Variants in NFIB observed in about 807,000 individuals in gnomAD.
The protein encoded by NFIB is nuclear factor 1 B-type.
A neutral mutation model predicts 61.5 loss-of-function variants in NFIB; 11 were observed. The observed-to-expected ratio is 0.18, with a 90% confidence interval of 0.11 to 0.30. The LOEUF is 0.30. Ranked by LOEUF, NFIB falls within the 10% of genes least tolerant of loss-of-function variation. The pLI, the probability that NFIB is intolerant of heterozygous loss-of-function variation, is 1.00. For missense variants in NFIB, 471 were observed against 608.9 expected (o/e 0.77, Z 2.38); for synonymous variants, 260 against 216.5 (o/e 1.20, Z -1.76).
In NFIB at chr9:14,120,236, T is replaced by G. The variant is rs1457917645; in HGVS notation, c.1245+204A>C. Among the ~76,000 whole-genome samples, 1 of 152,206 alleles carries G rather than the reference T, an allele frequency of 6.6e-6. No individual in the cohort carries two copies. Among genetic ancestry groups the G allele is most frequent in the Non-Finnish European group, 1.5e-5 (1 of 68,042 alleles). On this transcript the variant is annotated intron_variant, in intron 8 of 10. Coordinates refer to ENST00000380953, the MANE Select transcript of NFIB (RefSeq NM_001190737.2). This position sits in a 1 kb window ranked among gnomAD's most constrained non-coding sequence, Gnocchi z 4.4. ...AAAAACATTAAACCATCTTCACAAA[T>G]GTACCCTTTGGGGCAACACACTTCC... is the stretch of plus-strand genomic sequence containing the variant.
At chr9:14,273,022 T>G (rs1164637750) in intron 2 of NFIB, among the ~76,000 whole-genome samples, 2 of 152,040 alleles carry the variant, frequency 1.3e-5, no homozygotes, top group Non-Finnish European at 1.5e-5. Context: ...TGAATTAAGA[T>G]TATATTGAGA....
chr9:14,356,917 T>C lies in NFIB; in HGVS notation c.108+41607A>G, dbSNP rs991836008. Among the ~76,000 whole-genome samples, 3 of 152,254 alleles carry C rather than the reference T, an allele frequency of 2.0e-5. No homozygotes were observed. The South Asian group carries it at 6.2e-4, about 32-fold the overall frequency. ...GTTTTTAAGGATATACACTGATTTA[T>C]AGAAGCTCACTGAAAATATTATAGC... On this transcript the variant is annotated intron_variant, in intron 1 of 8. Coordinates refer to the NFIB transcript ENST00000380934.
chr9:14,208,467 G>A (rs952156252), intron 2 of NFIB, among the ~76,000 whole-genome samples: 8 of 151,856 alleles, frequency 5.3e-5, no homozygotes, highest in Admixed American at 2.0e-4. Context: ...TATGAATTAC[G>A]ACTAAATTCA....
chr9:14,496,753 C>T, the NFIB span, among the ~76,000 whole-genome samples: 3 of 152,188 alleles, frequency 2.0e-5, no homozygotes, highest in Non-Finnish European at 2.9e-5. Flanking sequence ...CCTCTCAGAG[C>T]CAGATTTCTC....
chr9:14,303,083 A>C (rs567716123), intron 2 of NFIB, among the ~76,000 whole-genome samples: 5 of 152,310 alleles, frequency 3.3e-5, no homozygotes, highest in African/African-American at 1.2e-4. Flanking sequence ...TCTCCTCTTT[A>C]AAGTTTTCTC....
At chr9:14,429,087 G>A in the NFIB span, among the ~76,000 whole-genome samples, 2 of 152,118 alleles carry the variant, frequency 1.3e-5, no homozygotes, top group East Asian at 3.9e-4. Context: ...GCAATCAAAT[G>A]ACAGAGCTTA....
intron 2 of NFIB, among the ~76,000 whole-genome samples, chr9:14,293,217 A>G (rs1468457311): frequency 6.6e-6 from 1 of 152,240 alleles, no homozygotes; most frequent in Non-Finnish European, 1.5e-5. Context: ...ACTATTCAGT[A>G]GTCTCATTTG....
intron 2 of NFIB, among the ~76,000 whole-genome samples, chr9:14,199,295 G>A (rs763851398): frequency 6.6e-6 from 1 of 152,214 alleles, no homozygotes; most frequent in Non-Finnish European, 1.5e-5. Context: ...CCGGGAGCTG[G>A]CCATGTGTCC....
At chr9:14,306,352 A>G (rs562753819) in intron 2 of NFIB, among the ~76,000 whole-genome samples, 102 of 152,346 alleles carry the variant, frequency 6.7e-4, no homozygotes, top group African/African-American at 2.3e-3. Context: ...AATTTAAATA[A>G]TAACTCAATT....
chr9:14,223,557 A>C (rs868119703), intron 2 of NFIB, among the ~76,000 whole-genome samples: 72 of 152,198 alleles, frequency 4.7e-4, no homozygotes, highest in African/African-American at 1.5e-3. Flanking sequence ...AATTACACTG[A>C]CTCTTTTTAT....
At chr9:14,346,483 A>G (rs1295128755) in intron 1 of NFIB, among the ~76,000 whole-genome samples, 8 of 152,254 alleles carry the variant, frequency 5.3e-5, no homozygotes. Flanking sequence ...GATGGGATTC[A>G]GAAAAGCCCG....
Position 14,313,424 on chromosome 9 carries a change from CA to C in NFIB, c.30+57del. 6.2e-7 allele frequency: 1 copy of C among 1,612,150 alleles called. No individual in the cohort carries two copies. Among genetic ancestry groups the C allele is most frequent in the South Asian group, 1.1e-5 (1 of 90,960 alleles). On this transcript the variant is annotated intron_variant, in intron 1 of 10. Transcript: ENST00000380953. The surrounding 1 kb of genome is among the most constrained non-coding windows in gnomAD (Gnocchi z 4.5). ...AAGCCGCTAATTGTCCGCAACAAAA[CA>C]AAACAAAGGCATTTCGGGCCAGAGA...
chr9:14,295,097 A>T (rs1235200657), intron 2 of NFIB, among the ~76,000 whole-genome samples: 1 of 152,208 alleles, frequency 6.6e-6, no homozygotes, highest in Non-Finnish European at 1.5e-5. Context: ...TTCAGTAATA[A>T]ATGTTAACTT....
At chr9:14,147,636 C>CTTTTTTTT (rs34256054) in intron 5 of NFIB, among the ~76,000 whole-genome samples, 2 of 108,672 alleles carry the variant, frequency 1.8e-5, no homozygotes, top group Non-Finnish European at 3.4e-5. Flanking sequence ...TAAAATGATA[C>CTTTTTTTT]TTTTTTTTTT....
At chr9:14,220,101 G>C (rs2051460339) in intron 2 of NFIB, among the ~76,000 whole-genome samples, 1 of 152,216 alleles carries the variant, frequency 6.6e-6, no homozygotes, top group Admixed American at 6.5e-5. Flanking sequence ...CTAGCAACAG[G>C]CTGTGGTCTG....
intron 1 of NFIB, among the ~76,000 whole-genome samples, chr9:14,332,319 C>T (rs536071896): frequency 1.7e-5 from 2 of 115,280 alleles, no homozygotes; most frequent in East Asian, 2.5e-4. Flanking sequence ...GGCAACAGAG[C>T]GAGACTCCGT....
intron 2 of NFIB, among the ~76,000 whole-genome samples, chr9:14,214,479 C>T (rs1305520045): frequency 6.6e-5 from 10 of 152,200 alleles, no homozygotes; most frequent in Admixed American, 3.3e-4. Context: ...CACACATTAC[C>T]ACATCCCATT....
intron 2 of NFIB, among the ~76,000 whole-genome samples, chr9:14,191,843 A>G (rs567395830): frequency 3.3e-5 from 5 of 152,194 alleles, no homozygotes; most frequent in Admixed American, 3.3e-4. Context: ...CTAATGTTTA[A>G]TTTTCCAAAT....
At chr9:14,288,966 A>G (rs2058893343) in intron 2 of NFIB, among the ~76,000 whole-genome samples, 1 of 151,626 alleles carries the variant, frequency 6.6e-6, no homozygotes, top group South Asian at 2.1e-4. Flanking sequence ...TACTTCTTTG[A>G]CTATATGATG....
Sources: gnomAD v4.1 joint callset for allele counts (sites outside exome capture counted in the v4.1 genomes callset) on GRCh38, gnomAD v4.1.1 for gene constraint, Gnocchi (gnomAD v3.1) non-coding constraint, MANE v1.5 for transcripts, NCBI Gene and HGNC (gene_info 2026-07-23, HGNC 2026-07-21) for gene names.